LUZP2: variants seen among roughly 807,000 people sequenced by gnomAD.
The protein encoded by LUZP2 is leucine zipper protein 2.
In LUZP2, 52 loss-of-function variants were observed where a neutral mutation model predicts 51.6. That is an observed-to-expected ratio of 1.01 (90% CI 0.81 to 1.27). The LOEUF is 1.27. Ranked by LOEUF, LUZP2 falls within the 50% of genes most tolerant of loss-of-function variation. The pLI, the probability that LUZP2 is intolerant of heterozygous loss-of-function variation, is 0.00. For synonymous variants in LUZP2, 154 were observed against 137.3 expected (o/e 1.12, Z -0.85); for missense variants, 436 against 395.4 (o/e 1.10, Z -0.87).
chr11:24,845,207 C>T (rs577953077), intron 5 of LUZP2, among the ~76,000 whole-genome samples: 1 of 152,190 alleles, frequency 6.6e-6, no homozygotes, highest in Non-Finnish European at 1.5e-5. Context: ...CCATGGGAAC[C>T]CATCCCTTGC....
intron 5 of LUZP2, among the ~76,000 whole-genome samples, chr11:24,809,836 T>C (rs933324389): frequency 2.0e-5 from 3 of 152,148 alleles, no homozygotes; most frequent in Non-Finnish European, 4.4e-5. Context: ...AAATGAATTA[T>C]GATGATACAA....
chr11:24,818,806 T>C (rs1355220973), intron 5 of LUZP2, among the ~76,000 whole-genome samples: 1 of 152,062 alleles, frequency 6.6e-6, no homozygotes, highest in East Asian at 1.9e-4. Flanking sequence ...TATATTCTTA[T>C]ATATTTTTAA....
chr11:25,008,447 T>C (rs1283674065), intron 9 of LUZP2, among the ~76,000 whole-genome samples: 1 of 152,150 alleles, frequency 6.6e-6, no homozygotes, highest in Non-Finnish European at 1.5e-5. Context: ...AGCTTGTTTG[T>C]GTTACAGCTT....
chr11:24,817,368 C>T (rs987767964), intron 5 of LUZP2, among the ~76,000 whole-genome samples: 12 of 151,850 alleles, frequency 7.9e-5, no homozygotes, highest in African/African-American at 2.2e-4. Flanking sequence ...AAAAATATAT[C>T]GTATTTCTAG....
chr11:24,623,153 C>T (rs1257445712), intron 1 of LUZP2, among the ~76,000 whole-genome samples: 2 of 151,912 alleles, frequency 1.3e-5, no homozygotes, highest in Non-Finnish European at 2.9e-5. Context: ...ATTTACTGAA[C>T]TCCCCCCCAA....
intron 7 of LUZP2, among the ~76,000 whole-genome samples, chr11:24,926,316 T>C (rs1854242308): frequency 7.5e-6 from 1 of 132,828 alleles, no homozygotes; most frequent in African/African-American, 3.2e-5. Flanking sequence ...TGTGTATATA[T>C]ATACGTGTGT....
At chr11:24,963,245 G>A (rs557693422) in intron 7 of LUZP2, among the ~76,000 whole-genome samples, 4 of 152,280 alleles carry the variant, frequency 2.6e-5, no homozygotes, top group African/African-American at 7.2e-5. Context: ...CAGTCTGCCG[G>A]TTCTCAGATC....
chr11:24,531,538 C>T (rs1851000016), intron 1 of LUZP2, among the ~76,000 whole-genome samples: 1 of 150,746 alleles, frequency 6.6e-6, no homozygotes, highest in Admixed American at 6.6e-5. Context: ...TTTTCCTATT[C>T]AGCTGTACTT....
At chr11:24,736,860 A>G (rs2133980677) in intron 3 of LUZP2, among the ~76,000 whole-genome samples, 1 of 152,182 alleles carries the variant, frequency 6.6e-6, no homozygotes. Context: ...GCATCACCCA[A>G]GAAGGCATAA....
intron 9 of LUZP2, among the ~76,000 whole-genome samples, chr11:25,013,618 A>G (rs1857043279): frequency 1.3e-5 from 2 of 152,132 alleles, no homozygotes; most frequent in Middle Eastern, 3.4e-3. Context: ...TCTGAGATAA[A>G]CTATTATTTT....
intron 1 of LUZP2, among the ~76,000 whole-genome samples, chr11:24,665,098 G>C (rs1425247468): frequency 6.6e-6 from 1 of 152,162 alleles, no homozygotes; most frequent in Admixed American, 6.5e-5. Flanking sequence ...AAAGCCACAG[G>C]GCAGAGCTGC....
At chr11:24,764,912 A>C (rs1860124913) in intron 5 of LUZP2, among the ~76,000 whole-genome samples, 1 of 152,202 alleles carries the variant, frequency 6.6e-6, no homozygotes, top group Non-Finnish European at 1.5e-5. Context: ...TTATAGTGAA[A>C]TTGCACTTTG....
At chr11:24,918,518 A>G (rs1853877379) in intron 7 of LUZP2, among the ~76,000 whole-genome samples, 1 of 151,936 alleles carries the variant, frequency 6.6e-6, no homozygotes, top group African/African-American at 2.4e-5. Flanking sequence ...ACAGTGCTTC[A>G]TGCTAAAAAC....
At chr11:24,749,658 T>C (rs1032194701) in intron 4 of LUZP2, among the ~76,000 whole-genome samples, 1 of 152,164 alleles carries the variant, frequency 6.6e-6, no homozygotes, top group African/African-American at 2.4e-5. Flanking sequence ...AAATTATTTT[T>C]AGAAGTTAAT....
chr11:24,985,926 A>AT (rs1856175864), intron 9 of LUZP2, among the ~76,000 whole-genome samples: 1 of 151,746 alleles, frequency 6.6e-6, no homozygotes, highest in African/African-American at 2.4e-5. Context: ...GTGAAAAGAG[A>AT]TGAGGTCTGC....
At chr11:24,966,654 A>C in intron 7 of LUZP2, among the ~76,000 whole-genome samples, 1 of 148,108 alleles carries the variant, frequency 6.8e-6, no homozygotes, top group East Asian at 1.9e-4. Context: ...TAAGATATAT[A>C]ACATATTTTA....
At chr11:24,799,468 C>T (rs529961264) in intron 5 of LUZP2, among the ~76,000 whole-genome samples, 35 of 151,812 alleles carry the variant, frequency 2.3e-4, no homozygotes, top group South Asian at 6.3e-4. Flanking sequence ...TGGTGGCAGG[C>T]GCCTGTAATC....
At chr11:24,964,610 T>G (rs562028357) in intron 7 of LUZP2, among the ~76,000 whole-genome samples, 28 of 152,250 alleles carry the variant, frequency 1.8e-4, no homozygotes, top group African/African-American at 6.7e-4. Flanking sequence ...CTCTTTAAAA[T>G]TAATAACTAC....
At chr11:24,674,717 A>T (rs207471734) in intron 1 of LUZP2, among the ~76,000 whole-genome samples, 5 of 152,096 alleles carry the variant, frequency 3.3e-5, no homozygotes, top group African/African-American at 9.7e-5. Flanking sequence ...AGAAAAAAAA[A>T]GTCTGTGAGA....
Sources: gnomAD v4.1 joint callset for allele counts (sites outside exome capture counted in the v4.1 genomes callset) on GRCh38, gnomAD v4.1.1 for gene constraint, MANE v1.5 for transcripts, NCBI Gene and HGNC (gene_info 2026-07-23, HGNC 2026-07-21) for gene names.